The following PTGFRN variants were observed in gnomAD, a reference collection of about 807,000 sequenced individuals.
PTGFRN encodes the protein prostaglandin F2 receptor inhibitor.
Under a neutral mutation model 83.2 loss-of-function variants are expected in PTGFRN, and 35 were observed. The observed-to-expected ratio is 0.42, with a 90% CI of 0.32 to 0.56. PTGFRN has a LOEUF of 0.56. PTGFRN is among the 20% of genes least tolerant of loss of function. The probability of loss-of-function intolerance (pLI) is 0.11; values close to 1 mark genes in which losing one functional copy is unlikely to be tolerated. For missense variants in PTGFRN, 1,051 were observed against 1,179.5 expected (o/e 0.89, Z 1.60); for synonymous variants, 519 against 498.6 (o/e 1.04, Z -0.55).
chr1:116,955,584 GT>G (rs1192151142), intron 4 of PTGFRN, among the ~76,000 whole-genome samples: 3 of 152,116 alleles, frequency 2.0e-5, no homozygotes, highest in African/African-American at 7.2e-5. Flanking sequence ...ATGATAAGCA[GT>G]TTTTAAACAT....
chr1:116,926,243 A>G (rs1649659056), intron 1 of PTGFRN, among the ~76,000 whole-genome samples: 1 of 152,242 alleles, frequency 6.6e-6, no homozygotes, highest in Non-Finnish European at 1.5e-5. Flanking sequence ...AAGTTTAAAC[A>G]CAATATGAAT....
At chr1:116,942,873 C>G (rs998642652) in intron 2 of PTGFRN, among the ~76,000 whole-genome samples, 2 of 152,146 alleles carry the variant, frequency 1.3e-5, no homozygotes, top group Non-Finnish European at 2.9e-5. Flanking sequence ...GAATATTTCC[C>G]TAATTTATAC....
intron 1 of PTGFRN, among the ~76,000 whole-genome samples, chr1:116,915,862 T>A (rs74745009): frequency 0.016 from 2,378 of 152,340 alleles, 66 homozygotes; most frequent in African/African-American, 0.054. Context: ...CATTTGACTC[T>A]GCTTTGGGAA....
intron 3 of PTGFRN, among the ~76,000 whole-genome samples, chr1:116,948,317 T>G (rs1650252766): frequency 6.6e-6 from 1 of 152,240 alleles, no homozygotes; most frequent in African/African-American, 2.4e-5. Flanking sequence ...TAGATCTGCC[T>G]TGAGTCTGTG....
intron 1 of PTGFRN, among the ~76,000 whole-genome samples, chr1:116,926,946 G>A (rs886556909): frequency 2.0e-5 from 3 of 152,196 alleles, no homozygotes; most frequent in African/African-American, 2.4e-5. Flanking sequence ...AAGTTGAAGC[G>A]TGAAGAGGAA....
At chr1:116,947,848 G>A (rs1257721471) in intron 3 of PTGFRN, among the ~76,000 whole-genome samples, 1 of 152,198 alleles carries the variant, frequency 6.6e-6, no homozygotes, top group Non-Finnish European at 1.5e-5. Flanking sequence ...TTAAAGAGAT[G>A]ATCGAGAGAA....
rs1246682488 is a variant in PTGFRN at position 116,923,476 on chromosome 1, C to G, written c.49+13224C>G. On this transcript the variant is annotated intron_variant, in intron 1 of 8. Transcript: ENST00000393203. This position sits in a 1 kb window ranked among gnomAD's most constrained non-coding sequence, Gnocchi z 4.0. ...CCATTCTTCTTCCTGTGGATTTTCT[C>G]GTTTTTTTCCTTGGCAGCTTGGGTG... Among the ~76,000 whole-genome samples, 1 of 152,122 alleles carries G rather than the reference C, an allele frequency of 6.6e-6. No individual in the cohort carries two copies. The highest frequency in any genetic ancestry group is 1.9e-4 in the East Asian group (1 of 5,184).
chr1:116,921,299 G>A (rs560993991), intron 1 of PTGFRN, among the ~76,000 whole-genome samples: 2 of 152,316 alleles, frequency 1.3e-5, no homozygotes, highest in East Asian at 3.9e-4. Context: ...TTTGGTGTCT[G>A]TCCAGTGTAC....
At chr1:116,974,540 T>G (rs1229699611) in intron 7 of PTGFRN, 1 of 447,146 alleles carries the variant, frequency 2.2e-6, no homozygotes, top group Non-Finnish European at 3.9e-6. Context: ...TCCAGACATT[T>G]GAATCTGAGC....
intron 5 of PTGFRN, among the ~76,000 whole-genome samples, chr1:116,962,662 AGACCG>A (rs1650697145): frequency 2.0e-5 from 3 of 152,198 alleles, no homozygotes; most frequent in Non-Finnish European, 4.4e-5. Flanking sequence ...ATGCTACATT[AGACCG>A]TCTCCCTTCT....
rs1650663253 is a variant in PTGFRN at position 116,961,512 on chromosome 1, A to G, written c.1483A>G (p.Thr495Ala). The stretch of plus-strand genomic sequence containing the variant: ...AGACTTTATTTTTTCTAAGGAACAT[A>G]CAGACACGTTCAATTTCCGGATCCA... Reference protein sequence around the residue: ...DGDFIFSKEHTDTFNFRIQRT... With the variant: ...DGDFIFSKEHADTFNFRIQRT... The change falls in exon 5 of 9, where the codon ACA becomes GCA. Residue 495 changes from threonine (T) to alanine (A), a missense_variant. Thr to Ala is a moderately conservative substitution (Grantham distance 58, BLOSUM62 0). Coordinates refer to ENST00000393203, the MANE Select transcript of PTGFRN (RefSeq NM_020440.4). This position sits in a 1 kb window ranked among gnomAD's most constrained non-coding sequence, Gnocchi z 5.4. 6.2e-7 allele frequency: 1 copy of G among 1,614,198 alleles called. No individual in the cohort carries two copies. The highest frequency in any genetic ancestry group is 8.5e-7 in the Non-Finnish European group (1 of 1,180,038).
chr1:116,965,999 T>G (rs1292916431), intron 5 of PTGFRN, among the ~76,000 whole-genome samples: 1 of 152,230 alleles, frequency 6.6e-6, no homozygotes, highest in Non-Finnish European at 1.5e-5. Flanking sequence ...ATCGGTTTGG[T>G]GGAACAAGTG....
chr1:116,961,669 G>A lies in PTGFRN; in HGVS notation c.1639+1G>A. 1 of 1,595,126 alleles carries A rather than the reference G, an allele frequency of 6.3e-7. No individual in the cohort carries two copies. Among genetic ancestry groups the A allele is most frequent in the Non-Finnish European group, 8.5e-7 (1 of 1,170,680 alleles). ...GTTAACATATTTTGGGCATTAGAAG[G>A]TAGGAACTTTTTTCTTGTTATTCAT... On this transcript the variant is annotated splice_donor_variant, in intron 5 of 8. Coordinates refer to ENST00000393203, the MANE Select transcript of PTGFRN (RefSeq NM_020440.4). LOFTEE classifies it high-confidence loss of function. The surrounding 1 kb of genome is among the most constrained non-coding windows in gnomAD (Gnocchi z 5.4).
Position 116,910,129 on chromosome 1 carries a change from G to T in PTGFRN, c.-75G>T. On this transcript the variant is annotated 5_prime_UTR_variant, in exon 1 of 9. Transcript: ENST00000393203. ...GAGGAGCGCCGACTCTGGAGCAGCC[G>T]GAGCTGGAAGAGGAGGAGGAGGAGA... 6.8e-7 allele frequency: 1 copy of T among 1,469,246 alleles called. No homozygotes were observed. The highest frequency in any genetic ancestry group is 9.1e-7 in the Non-Finnish European group (1 of 1,094,364). The allele number at this position is 1,469,246 out of a possible 1,614,324, so 91.0% of individuals were successfully genotyped here.
chr1:116,952,399 A>G lies in PTGFRN; in HGVS notation c.1213+2827A>G, dbSNP rs532026914. On this transcript the variant is annotated intron_variant, in intron 4 of 8. Coordinates refer to ENST00000393203, the MANE Select transcript of PTGFRN (RefSeq NM_020440.4). This position sits in a 1 kb window ranked among gnomAD's most constrained non-coding sequence, Gnocchi z 4.0. Reference sequence around the variant, plus strand: ...AGCACTTGCAGCCACTGAGAGGATCATGATAATGTTTTAGATGTTGAGAAA... The same window carrying G: ...AGCACTTGCAGCCACTGAGAGGATCGTGATAATGTTTTAGATGTTGAGAAA... Among the ~76,000 whole-genome samples the G allele has an allele frequency of 1.3e-5, 2 of 152,298 alleles. No individual in the cohort carries two copies. Among genetic ancestry groups the G allele is most frequent in the South Asian group, 2.1e-4 (1 of 4,820 alleles).
At chr1:116,938,815 G>A (rs1649984459) in intron 1 of PTGFRN, among the ~76,000 whole-genome samples, 1 of 152,210 alleles carries the variant, frequency 6.6e-6, no homozygotes, top group African/African-American at 2.4e-5. Context: ...TAAAAAGTAG[G>A]TTAGTTACTT....
At chr1:116,980,012 A>G (rs1007073126) in intron 7 of PTGFRN, among the ~76,000 whole-genome samples, 1 of 136,592 alleles carries the variant, frequency 7.3e-6, no homozygotes, top group African/African-American at 3.0e-5. Flanking sequence ...GAAGAACTCA[A>G]ATTTACAAGA....
At chr1:116,911,160 G>T (rs899917274) in intron 1 of PTGFRN, among the ~76,000 whole-genome samples, 1 of 152,104 alleles carries the variant, frequency 6.6e-6, no homozygotes, top group Non-Finnish European at 1.5e-5. Context: ...TGCCCACCAT[G>T]GTACCCCAGG....
rs941169477 is a variant in PTGFRN at position 116,952,711 on chromosome 1, T to C, written c.1213+3139T>C. ...AACTCTTTCAGCAAGACAAACTTTC[T>C]CTTGGCATTGAATTTATCATGTGCT... is the stretch of plus-strand genomic sequence containing the variant. On this transcript the variant is annotated intron_variant, in intron 4 of 8. Transcript: ENST00000393203. This position sits in a 1 kb window ranked among gnomAD's most constrained non-coding sequence, Gnocchi z 4.0. 1.3e-5 allele frequency among the ~76,000 whole-genome samples: 2 copies of C among 152,236 alleles called. No individual in the cohort carries two copies. Among genetic ancestry groups the C allele is most frequent in the Admixed American group, 1.3e-4 (2 of 15,288 alleles).
Sources: allele counts gnomAD v4.1 joint callset (sites outside exome capture counted in the v4.1 genomes callset), GRCh38; gene constraint gnomAD v4.1.1; non-coding constraint Gnocchi (gnomAD v3.1); transcripts MANE v1.5; gene names NCBI Gene and HGNC (gene_info 2026-07-23, HGNC 2026-07-21).